NAV2: variants seen among roughly 807,000 people sequenced by gnomAD.
NAV2 encodes helicase, APC down-regulated 1.
NAV2 carries 54 observed loss-of-function variants against 223.2 expected under a neutral mutation model. The ratio of observed to expected loss-of-function variants is 0.24; its 90% CI spans 0.19 to 0.30. NAV2 has a LOEUF of 0.30. NAV2 is among the 10% of genes least tolerant of loss of function. NAV2 has a pLI of 1.00. For synonymous variants in NAV2, 1,279 were observed against 1,239.3 expected (o/e 1.03, Z -0.67); for missense variants, 2,806 against 3,147.5 (o/e 0.89, Z 2.60).
Position 19,856,757 on chromosome 11 carries a change from A to G in NAV2, c.439-12168A>G, listed in dbSNP as rs149819791. On this transcript the variant is annotated intron_variant, in intron 3 of 37. Coordinates refer to ENST00000349880, the MANE Select transcript of NAV2 (RefSeq NM_145117.5). ...CGGACCCATGGCCTTCATTCTAGCCATCATCAGAGTAGGTGAGCAAAGTCC... is the reference window on the plus strand; with the variant it reads ...CGGACCCATGGCCTTCATTCTAGCCGTCATCAGAGTAGGTGAGCAAAGTCC... Among the ~76,000 whole-genome samples, 1,270 of 151,288 alleles carry G rather than the reference A, an allele frequency of 8.4e-3. 14 individuals carry two copies. Among genetic ancestry groups the G allele is most frequent in the African/African-American group, 0.029 (1,207 of 41,382 alleles).
intron 6 of NAV2, among the ~76,000 whole-genome samples, chr11:19,924,725 T>G (rs2044584215): frequency 6.6e-6 from 1 of 152,216 alleles, no homozygotes; most frequent in African/African-American, 2.4e-5. Context: ...GTCATTGAGT[T>G]CAGTTAGTTT....
At chr11:19,407,999 T>G (rs1849975246) in intron 1 of NAV2, among the ~76,000 whole-genome samples, 1 of 152,072 alleles carries the variant, frequency 6.6e-6, no homozygotes, top group Non-Finnish European at 1.5e-5. Flanking sequence ...GCAAGCCCAT[T>G]TATCACCGTG....
At chr11:19,448,910 T>C (rs1312666592) in intron 1 of NAV2, among the ~76,000 whole-genome samples, 1 of 152,086 alleles carries the variant, frequency 6.6e-6, no homozygotes, top group Non-Finnish European at 1.5e-5. Flanking sequence ...TCTCTAAGAG[T>C]GATTGCTAAG....
At chr11:20,101,252 C>A in intron 32 of NAV2, 80 bp downstream of exon 32, 1 of 1,116,302 alleles carries the variant, frequency 9.0e-7, no homozygotes, top group Non-Finnish European at 1.3e-6. Flanking sequence ...GAAGGGAAAG[C>A]AGCATTTCCT....
At chr11:19,997,244 G>A (rs1452349492) in intron 11 of NAV2, among the ~76,000 whole-genome samples, 8 of 152,166 alleles carry the variant, frequency 5.3e-5, no homozygotes, top group Admixed American at 5.2e-4. Flanking sequence ...GACTTTGGGT[G>A]CCCTACACCT....
chr11:19,624,121 C>G (rs763828085), intron 1 of NAV2, among the ~76,000 whole-genome samples: 5 of 152,144 alleles, frequency 3.3e-5, no homozygotes, highest in African/African-American at 1.2e-4. Context: ...CTGATTGTTC[C>G]TCTGGAAGCT....
intron 1 of NAV2, among the ~76,000 whole-genome samples, chr11:19,647,851 C>T (rs774108598): frequency 2.8e-4 from 43 of 152,166 alleles, no homozygotes; most frequent in Admixed American, 1.6e-3. Flanking sequence ...TAAAAGTTAG[C>T]GGTCATTGAG....
chr11:19,967,895 A>T (rs534018021), intron 10 of NAV2, among the ~76,000 whole-genome samples: 1 of 152,316 alleles, frequency 6.6e-6, no homozygotes, highest in South Asian at 2.1e-4. Flanking sequence ...TCTCCTTGGA[A>T]AGCCACGTTT....
chr11:19,399,650 A>G (rs1360263166), intron 1 of NAV2, among the ~76,000 whole-genome samples: 2 of 152,180 alleles, frequency 1.3e-5, no homozygotes, highest in African/African-American at 4.8e-5. Flanking sequence ...CTTAATGTGT[A>G]TTATGTCATT....
chr11:19,510,878 A>G (rs1210245839), intron 1 of NAV2: 1 of 152,240 alleles, frequency 6.6e-6, no homozygotes, highest in Non-Finnish European at 1.5e-5. Context: ...GAGGCAAGGA[A>G]GGGGAGGACT....
Position 19,946,406 on chromosome 11 carries a change from G to T in NAV2, c.2152G>T (p.Asp718Tyr), listed in dbSNP as rs768071272. ...QPALEELTGE[D>Y]PEARRLRTVK... ...CTTAACCCTCATCTTTCTAGGGGAAGATCCTGAGGCTCGGCGGCTGCGGAC... is the reference window on the plus strand; with the variant it reads ...CTTAACCCTCATCTTTCTAGGGGAATATCCTGAGGCTCGGCGGCTGCGGAC... The change falls in exon 9 of 38, where the codon GAT becomes TAT. Residue 718 changes from aspartate to tyrosine, a missense_variant. Physicochemically the swap from Asp to Tyr is radical, Grantham distance 160 (BLOSUM62 -3). This residue lies in a region of NAV2 where 1,167 missense variants were observed against 1,180.5 expected (regional missense o/e 0.99). Coordinates refer to ENST00000349880, the MANE Select transcript of NAV2 (RefSeq NM_145117.5). 1 of 1,612,148 alleles carries T rather than the reference G, an allele frequency of 6.2e-7. No individual in the cohort carries two copies. Among genetic ancestry groups the T allele is most frequent in the Admixed American group, 1.7e-5 (1 of 59,518 alleles).
intron 1 of NAV2, among the ~76,000 whole-genome samples, chr11:19,498,325 G>A (rs1485801467): frequency 2.0e-5 from 3 of 152,206 alleles, no homozygotes; most frequent in Non-Finnish European, 4.4e-5. Flanking sequence ...CCCAAAAGGG[G>A]GAGGGCACAG....
chr11:19,767,128 G>A (rs527449714), intron 1 of NAV2, among the ~76,000 whole-genome samples: 1 of 152,300 alleles, frequency 6.6e-6, no homozygotes, highest in East Asian at 1.9e-4. Flanking sequence ...GGAATGAAAA[G>A]ATACAAGAAT....
intron 19 of NAV2, among the ~76,000 whole-genome samples, chr11:20,060,249 GT>G (rs1191230373): frequency 6.6e-6 from 1 of 152,252 alleles, no homozygotes; most frequent in Non-Finnish European, 1.5e-5. Context: ...TGGCAGGCCA[GT>G]CATGCAAGTG....
chr11:19,371,969 G>C (rs1036718820), intron 1 of NAV2, among the ~76,000 whole-genome samples: 6 of 151,976 alleles, frequency 3.9e-5, no homozygotes, highest in African/African-American at 1.5e-4. Flanking sequence ...AGTAGAGACA[G>C]GGTTTTACCA....
rs938750285 is a variant in NAV2, at chr11:19,946,917, C to T, written c.2255+408C>T. 7.9e-5 allele frequency among the ~76,000 whole-genome samples: 12 copies of T among 152,042 alleles called. No homozygotes were observed. The South Asian group carries it at 1.0e-3, about 13-fold the overall frequency. Reference sequence around the variant, plus strand: ...ACTCTGTAATATTGTTAGTCATGCACGTACATAAAACATGTAAGGAAATAT... The same window carrying T: ...ACTCTGTAATATTGTTAGTCATGCATGTACATAAAACATGTAAGGAAATAT... On this transcript the variant is annotated intron_variant, in intron 9 of 37. Coordinates refer to ENST00000349880, the MANE Select transcript of NAV2 (RefSeq NM_145117.5).
chr11:20,023,112 C>G (rs1360813190), intron 11 of NAV2: 2 of 1,551,756 alleles, frequency 1.3e-6, no homozygotes, highest in African/African-American at 2.7e-5. Context: ...GTGAAATGCT[C>G]TGGCCTAGGA....
chr11:19,747,894 C>T (rs1456225460), intron 1 of NAV2, among the ~76,000 whole-genome samples: 2 of 152,174 alleles, frequency 1.3e-5, no homozygotes, highest in African/African-American at 2.4e-5. Context: ...CAGGTAGAGA[C>T]CTGGAAGACT....
At chr11:19,590,582 A>T (rs971327404) in intron 1 of NAV2, among the ~76,000 whole-genome samples, 1 of 152,186 alleles carries the variant, frequency 6.6e-6, no homozygotes, top group African/African-American at 2.4e-5. Flanking sequence ...TATATCTGGA[A>T]AAGCTGTCTT....
Sources: gnomAD v4.1 joint callset for allele counts (sites outside exome capture counted in the v4.1 genomes callset) on GRCh38, gnomAD v4.1.1 for gene constraint, gnomAD v4.1.1 regional missense constraint, MANE v1.5 for transcripts, NCBI Gene and HGNC (gene_info 2026-07-23, HGNC 2026-07-21) for gene names.